The following ARHGAP27 variants were observed in gnomAD, a reference collection of about 807,000 sequenced individuals.
ARHGAP27 encodes the protein Rho GTPase activating protein 27.
Under a neutral mutation model 102.0 loss-of-function variants are expected in ARHGAP27, and 53 were observed. The ratio of observed to expected loss-of-function variants is 0.52; its 90% CI spans 0.42 to 0.65. ARHGAP27 has a LOEUF of 0.65. Ranked by LOEUF, ARHGAP27 falls within the 30% of genes least tolerant of loss-of-function variation. The probability of loss-of-function intolerance (pLI) is 0.00; values close to 1 mark genes in which losing one functional copy is unlikely to be tolerated. For missense variants in ARHGAP27, 1,117 were observed against 1,256.2 expected (o/e 0.89, Z 1.68); for synonymous variants, 525 against 542.8 (o/e 0.97, Z 0.46).
chr17:45,415,062 CAAAAA>C (rs546453138), intron 4 of ARHGAP27, among the ~76,000 whole-genome samples: 1 of 61,308 alleles, frequency 1.6e-5, no homozygotes. Context: ...GAGTCCATCT[CAAAAA>C]AAAAAAAAAA....
rs1294613523 is a variant in ARHGAP27 at position 45,425,709 on chromosome 17, G to A, written c.657+3914C>T. The stretch of plus-strand genomic sequence containing the variant: ...TTCCCTCCCAGCGGCCAATGCCCCA[G>A]CAGCAGGGGCGGGCTCCAGGCCAGC... On this transcript the variant is annotated intron_variant, in intron 4 of 19. Coordinates refer to ENST00000685559, the MANE Select transcript of ARHGAP27 (RefSeq NM_001282290.2). 1.2e-5 allele frequency: 11 copies of A among 939,940 alleles called. No individual in the cohort carries two copies. The East Asian group carries it at 1.0e-3, about 89-fold the overall frequency. The allele number at this position is 939,940 out of a possible 1,614,324, so 58.2% of individuals were successfully genotyped here. A position where few individuals can be genotyped will look rare whatever the true frequency, so the allele number is the denominator to read the frequency against.
At chr17:45,419,621 A>G (rs1378603312) in intron 4 of ARHGAP27, among the ~76,000 whole-genome samples, 3 of 150,544 alleles carry the variant, frequency 2.0e-5, no homozygotes, top group Non-Finnish European at 3.0e-5. Flanking sequence ...ATTGGACTAC[A>G]TAAGTATATT....
intron 5 of ARHGAP27, among the ~76,000 whole-genome samples, 199 bp from the exon 6 acceptor site, chr17:45,405,305 G>T (rs1264172292): frequency 6.7e-6 from 1 of 149,522 alleles, no homozygotes; most frequent in Non-Finnish European, 1.5e-5. Context: ...GGCGTCAGAG[G>T]TAGCCCCGCC....
rs756445431 is a variant in ARHGAP27, at chr17:45,395,733, GC to G, written c.2492+10del. On this transcript the variant is annotated intron_variant, in intron 19 of 19. Coordinates refer to ENST00000685559, the MANE Select transcript of ARHGAP27 (RefSeq NM_001282290.2). ...CTGCCTCCCCCTTCCCGCGCGGGCCGCCCGGCTCACCGGCAGAGGTGCTGGA... is the reference window on the plus strand; with the variant it reads ...CTGCCTCCCCCTTCCCGCGCGGGCCGCCGGCTCACCGGCAGAGGTGCTGGA... The G allele has an allele frequency of 4.4e-6, 7 of 1,583,602 alleles. No individual in the cohort carries two copies. In the South Asian group the frequency reaches 6.8e-5, roughly 15 times the overall value.
intron 5 of ARHGAP27, among the ~76,000 whole-genome samples, chr17:45,405,331 C>T (rs1454861059): frequency 6.6e-6 from 1 of 151,996 alleles, no homozygotes; most frequent in Non-Finnish European, 1.5e-5. Context: ...CAGCCCTGCC[C>T]CTCACCTTCT....
At chr17:45,412,632 T>C (rs779916473) in intron 4 of ARHGAP27, among the ~76,000 whole-genome samples, 5 of 152,158 alleles carry the variant, frequency 3.3e-5, no homozygotes, top group Non-Finnish European at 7.4e-5. Context: ...GAAGGAATGG[T>C]GATCTTTGCC....
chr17:45,425,721 G>A (rs2049534734), intron 4 of ARHGAP27: 1 of 876,660 alleles, frequency 1.1e-6, no homozygotes, highest in Non-Finnish European at 1.4e-6. Context: ...AGCAGGGGCG[G>A]GCTCCAGGCC....
chr17:45,397,298 G>A lies in ARHGAP27; in HGVS notation c.1843-274C>T, dbSNP rs986488237. 6 of 1,335,060 alleles carry A rather than the reference G, an allele frequency of 4.5e-6. No individual in the cohort carries two copies. The African/African-American group carries it at 8.9e-5, about 20-fold the overall frequency. 82.7% of individuals were successfully genotyped at this position (1,335,060 alleles called of 1,614,324 possible). A position where few individuals can be genotyped will look rare whatever the true frequency, so the allele number is the denominator to read the frequency against. ...TATCCTGGGGACTCCTACCCACCTG[G>A]TGCCTTCTTTCTCTATTTTCCTCAG... On this transcript the variant is annotated intron_variant, in intron 13 of 19. Coordinates refer to ENST00000685559, the MANE Select transcript of ARHGAP27 (RefSeq NM_001282290.2).
intron 4 of ARHGAP27, among the ~76,000 whole-genome samples, chr17:45,426,345 GC>G (rs984682408): frequency 2.0e-5 from 3 of 152,244 alleles, no homozygotes; most frequent in Admixed American, 2.0e-4. Flanking sequence ...AGGACTGTTA[GC>G]CCCTTTGGGA....
rs531423719 is a variant in ARHGAP27, at chr17:45,396,728, G to A, written c.2014C>T (p.Arg672Cys). ...SDLSKVRHKL[R>C]KFLQRRPTLQ... ...GTGGGCCGCCTCTGGAGGAACTTGC[G>A]GAGCTTGTGCCGGACCTTGCTCAAG... is the stretch of plus-strand genomic sequence containing the variant. The change falls in exon 15 of 20, where the codon CGC becomes TGC. Residue 672 changes from arginine (R) to cysteine (C), a missense_variant. Around this residue, in one of 3 missense-constraint regions of ARHGAP27, gnomAD observed 493 missense variants for 505.5 expected, o/e 0.98. Transcript: ENST00000685559. 1.9e-6 allele frequency: 3 copies of A among 1,613,832 alleles called. No individual in the cohort carries two copies. Among genetic ancestry groups the A allele is most frequent in the African/African-American group, 1.3e-5 (1 of 75,028 alleles).
At chr17:45,425,267 G>A (rs1409060504) in intron 4 of ARHGAP27, among the ~76,000 whole-genome samples, 1 of 152,020 alleles carries the variant, frequency 6.6e-6, no homozygotes, top group Non-Finnish European at 1.5e-5. Flanking sequence ...GTACGAGCAA[G>A]GGGCTAGCTA....
intron 12 of ARHGAP27, among the ~76,000 whole-genome samples, chr17:45,401,177 A>G (rs1038545698): frequency 6.6e-5 from 10 of 152,040 alleles, no homozygotes; most frequent in Non-Finnish European, 1.5e-4. Flanking sequence ...CCCCATCTCT[A>G]TAAAAACTAA....
At chr17:45,431,983 G>C (rs1247263971) in intron 2 of ARHGAP27, among the ~76,000 whole-genome samples, 1 of 150,714 alleles carries the variant, frequency 6.6e-6, no homozygotes, top group African/African-American at 2.4e-5. Context: ...GACCGCCCCC[G>C]CTCCGCCTTC....
At chr17:45,401,485 A>C (rs1372408931) in intron 12 of ARHGAP27, 1 of 152,342 alleles carries the variant, frequency 6.6e-6, no homozygotes, top group African/African-American at 2.4e-5. Flanking sequence ...CTTGGTGAAT[A>C]ATCAGGAAAC....
At chr17:45,417,850 G>A (rs35884427) in intron 4 of ARHGAP27, among the ~76,000 whole-genome samples, 21,090 of 151,754 alleles carry the variant, frequency 0.14, 1,725 homozygotes, top group Middle Eastern at 0.23. Flanking sequence ...TCAGGAGATC[G>A]AGACCATCAT....
In ARHGAP27 at chr17:45,395,308, C is replaced by G; in HGVS notation, c.*148G>C. On this transcript the variant is annotated 3_prime_UTR_variant, in exon 20 of 20. Transcript: ENST00000685559. Reference sequence around the variant, plus strand: ...AAACTGCCCACTAGGGGTCACCGTACCCTCAGAACCGAGGGTGCAGAAGTC... The same window carrying G: ...AAACTGCCCACTAGGGGTCACCGTAGCCTCAGAACCGAGGGTGCAGAAGTC... 1 of 1,026,014 alleles carries G rather than the reference C, an allele frequency of 9.7e-7. No individual in the cohort carries two copies. The highest frequency in any genetic ancestry group is 1.4e-6 in the Non-Finnish European group (1 of 726,528). The allele number at this position is 1,026,014 out of a possible 1,614,324, so 63.6% of individuals were successfully genotyped here.
At position 45,430,728 on chromosome 17, in the gene ARHGAP27, C is replaced by T. The variant is rs999415947; in HGVS notation, c.-18-431G>A. 8.5e-5 allele frequency among the ~76,000 whole-genome samples: 13 copies of T among 152,204 alleles called. No individual in the cohort carries two copies. Among genetic ancestry groups the T allele is most frequent in the African/African-American group, 2.7e-4 (11 of 41,442 alleles). ...GAACACCCCATTTACTGCCGCTCCC[C>T]GGCTCTGTCCCGCCTGGAAGCCTCC... On this transcript the variant is annotated intron_variant, in intron 3 of 19. Transcript: ENST00000685559. This position sits in a 1 kb window ranked among gnomAD's most constrained non-coding sequence, Gnocchi z 4.4.
chr17:45,396,788 C>A lies in ARHGAP27; in HGVS notation c.1954G>T (p.Ala652Ser). 1 of 1,610,012 alleles carries A rather than the reference C, an allele frequency of 6.2e-7. No homozygotes were observed. The highest frequency in any genetic ancestry group is 8.5e-7 in the Non-Finnish European group (1 of 1,178,198). ...KEEDARPNAA[A>S]PALGPVGLES... ...AGGCCCACGGGGCCCAGGGCGGGCG[C>A]GGCTGCCGCGGGGAAAGGCAGGACT... is the stretch of plus-strand genomic sequence containing the variant. Residue 652 changes from alanine to serine, a missense_variant and splice_region_variant, in exon 15 of 20, where the codon GCG (alanine) becomes TCG (serine). Ala to Ser is a moderately conservative substitution (Grantham distance 99). Transcript: ENST00000685559.
In ARHGAP27 at chr17:45,405,585, C is replaced by T. The variant is rs1197857997; in HGVS notation, c.1065+91G>A. On this transcript the variant is annotated intron_variant, in intron 5 of 19. Coordinates refer to ENST00000685559, the MANE Select transcript of ARHGAP27 (RefSeq NM_001282290.2). ...TAGCCCCGCCCACCCATCACCACCC[C>T]CTCACCCGTGTGTCCCTGGGCCTCT... The T allele has an allele frequency of 4.1e-6, 6 of 1,473,548 alleles. No individual in the cohort carries two copies. In the South Asian group the frequency reaches 8.1e-5, roughly 20 times the overall value. 91.3% of individuals were successfully genotyped at this position (1,473,548 alleles called of 1,614,324 possible). A position where few individuals can be genotyped will look rare whatever the true frequency, so the allele number is the denominator to read the frequency against.
Sources: allele counts gnomAD v4.1 joint callset (sites outside exome capture counted in the v4.1 genomes callset), GRCh38; gene constraint gnomAD v4.1.1; regional missense constraint gnomAD v4.1.1; non-coding constraint Gnocchi (gnomAD v3.1); transcripts MANE v1.5; gene names NCBI Gene and HGNC (gene_info 2026-07-23, HGNC 2026-07-21).